Variants in EXT1 observed in about 807,000 individuals in gnomAD.
EXT1 encodes exostosin-1.
Under a neutral mutation model 82.5 loss-of-function variants are expected in EXT1, and 20 were observed. The observed-to-expected ratio is 0.24, with a 90% CI of 0.17 to 0.35. The LOEUF (loss-of-function observed/expected upper bound fraction) is 0.35, where lower values mean the gene tolerates loss of function less well. Among genes scored for constraint, EXT1 ranks in the 10% least tolerant of loss-of-function variants. The pLI, the probability that EXT1 is intolerant of heterozygous loss-of-function variation, is 1.00. For synonymous variants in EXT1, 348 were observed against 350.8 expected, an observed-to-expected ratio of 0.99 and a Z score of 0.09; for missense variants, 757 against 936.5, an observed-to-expected ratio of 0.81 and a Z score of 2.50.
At chr8:118,095,023 TACA>T (rs1817585149) in intron 1 of EXT1, among the ~76,000 whole-genome samples, 1 of 152,218 alleles carries the variant, frequency 6.6e-6, no homozygotes, top group Non-Finnish European at 1.5e-5. Flanking sequence ...CATGCAGACA[TACA>T]TGTGCATGTA....
At chr8:117,836,290 AC>A (rs1253424742) in intron 2 of EXT1, among the ~76,000 whole-genome samples, 5 of 152,260 alleles carry the variant, frequency 3.3e-5, no homozygotes, top group African/African-American at 1.2e-4. Context: ...TATGCAGAAC[AC>A]ACACAGAGAG....
At chr8:117,827,784 CAAAAAAAA>C (rs768731740) in intron 4 of EXT1, among the ~76,000 whole-genome samples, 16 of 54,140 alleles carry the variant, frequency 3.0e-4, no homozygotes, top group South Asian at 1.2e-3. Context: ...GACTCTGTCT[CAAAAAAAA>C]AAAAAAAAAA....
chr8:118,089,472 A>G (rs1246942084), intron 1 of EXT1, among the ~76,000 whole-genome samples: 1 of 152,232 alleles, frequency 6.6e-6, no homozygotes, highest in Non-Finnish European at 1.5e-5. Flanking sequence ...ACAAAAGAGT[A>G]TATCTATGCC....
chr8:117,923,272 G>A (rs1435572322), intron 1 of EXT1, among the ~76,000 whole-genome samples: 26 of 152,124 alleles, frequency 1.7e-4, no homozygotes, highest in Admixed American at 1.7e-3. Context: ...AGTGAGCTGA[G>A]ATTGTACCAC....
At chr8:117,981,124 C>T (rs925629663) in intron 1 of EXT1, among the ~76,000 whole-genome samples, 2 of 152,104 alleles carry the variant, frequency 1.3e-5, no homozygotes, top group Non-Finnish European at 2.9e-5. Flanking sequence ...TTAAATACTG[C>T]CTCTGTAGAA....
intron 10 of EXT1, among the ~76,000 whole-genome samples, chr8:117,801,018 C>A (rs1033890072): frequency 6.6e-6 from 1 of 152,180 alleles, no homozygotes; most frequent in Non-Finnish European, 1.5e-5. Context: ...TATGTATGCA[C>A]GTGTGTTCTG....
At chr8:117,923,880 G>A (rs1813906499) in intron 1 of EXT1, among the ~76,000 whole-genome samples, 1 of 152,164 alleles carries the variant, frequency 6.6e-6, no homozygotes, top group African/African-American at 2.4e-5. Flanking sequence ...GGCTCAGTGG[G>A]AATGAGTTCA....
At chr8:118,085,971 A>G (rs930737468) in intron 1 of EXT1, among the ~76,000 whole-genome samples, 2 of 152,228 alleles carry the variant, frequency 1.3e-5, no homozygotes, top group Admixed American at 6.5e-5. Flanking sequence ...TGGTCTCTCT[A>G]TCATAAACAC....
intron 1 of EXT1, among the ~76,000 whole-genome samples, chr8:117,872,667 A>AT (rs1812894507): frequency 2.6e-5 from 4 of 152,202 alleles, no homozygotes; most frequent in African/African-American, 7.2e-5. Flanking sequence ...TTTATTCAAG[A>AT]CAAATTATTA....
At position 117,874,675 on chromosome 8, in the gene EXT1, C is replaced by T. The variant is rs1042254938; in HGVS notation, c.963-37474G>A. On this transcript the variant is annotated intron_variant, in intron 1 of 10. Transcript: ENST00000378204. ...TCCCCTCAATTGATCTACTCTGCTA[C>T]TCATGTGCCCACAAAAATCTAGGCA... Among the ~76,000 whole-genome samples the T allele has an allele frequency of 7.2e-5, 11 of 151,978 alleles. No homozygotes were observed. In the Middle Eastern group the frequency reaches 0.014, roughly 188 times the overall value.
At chr8:117,869,586 G>A (rs1375699646) in intron 1 of EXT1, among the ~76,000 whole-genome samples, 3 of 152,150 alleles carry the variant, frequency 2.0e-5, no homozygotes, top group African/African-American at 7.2e-5. Context: ...TTTATTGAAG[G>A]ATGATGTAGC....
At chr8:118,005,682 T>C (rs1016215702) in intron 1 of EXT1, among the ~76,000 whole-genome samples, 1 of 152,224 alleles carries the variant, frequency 6.6e-6, no homozygotes, top group African/African-American at 2.4e-5. Flanking sequence ...ATTTCACCAC[T>C]ACGCAAAGTG....
In EXT1 at chr8:117,918,248, C is replaced by T. The variant is rs111843154; in HGVS notation, c.963-81047G>A. 3.5e-3 allele frequency among the ~76,000 whole-genome samples: 535 copies of T among 152,308 alleles called. 3 individuals are homozygous for T. The highest frequency in any genetic ancestry group is 0.011 in the African/African-American group (452 of 41,554). ...TAGAATTTCACTGCATGTTCTTTCA[C>T]TCAACAATAGTGAGCTTCTGCGCTG... On this transcript the variant is annotated intron_variant, in intron 1 of 10. Coordinates refer to ENST00000378204, the MANE Select transcript of EXT1 (RefSeq NM_000127.3).
At chr8:118,080,141 A>T (rs188824588) in intron 1 of EXT1, among the ~76,000 whole-genome samples, 211 of 152,284 alleles carry the variant, frequency 1.4e-3, no homozygotes, top group Non-Finnish European at 1.9e-3. Flanking sequence ...GAGACCTCAG[A>T]CAATCATCAA....
chr8:117,919,478 C>G (rs972950781), intron 1 of EXT1, among the ~76,000 whole-genome samples: 51 of 151,360 alleles, frequency 3.4e-4, no homozygotes, highest in African/African-American at 1.2e-3. Flanking sequence ...CCATGAGCCA[C>G]CACGCTTGGC....
At chr8:118,034,115 A>C (rs1487313203) in intron 1 of EXT1, among the ~76,000 whole-genome samples, 2 of 152,226 alleles carry the variant, frequency 1.3e-5, no homozygotes, top group African/African-American at 4.8e-5. Context: ...TATTGTATCC[A>C]CAATGTATTG....
chr8:117,928,247 T>C (rs1285404669), intron 1 of EXT1, among the ~76,000 whole-genome samples: 1 of 152,202 alleles, frequency 6.6e-6, no homozygotes, highest in Non-Finnish European at 1.5e-5. Context: ...CCAAGGCCAT[T>C]GCTCTTTCAA....
chr8:118,003,992 A>ACTAGAG (rs1389060887), intron 1 of EXT1, among the ~76,000 whole-genome samples: 1 of 152,236 alleles, frequency 6.6e-6, no homozygotes, highest in African/African-American at 2.4e-5. Flanking sequence ...TTATTCAATA[A>ACTAGAG]CTAGAGCCCT....
intron 1 of EXT1, among the ~76,000 whole-genome samples, chr8:118,108,058 C>G (rs1033194698): frequency 2.0e-5 from 3 of 151,990 alleles, no homozygotes; most frequent in South Asian, 2.1e-4. Context: ...TTTCTTGGCC[C>G]GATCACAAAG....
Sources: allele counts gnomAD v4.1 joint callset (sites outside exome capture counted in the v4.1 genomes callset), GRCh38; gene constraint gnomAD v4.1.1; transcripts MANE v1.5; gene names NCBI Gene and HGNC (gene_info 2026-07-23, HGNC 2026-07-21).